SLC39A12: variants seen among roughly 807,000 people sequenced by gnomAD.
SLC39A12 encodes the protein zinc transporter ZIP12.
SLC39A12 carries 63 observed loss-of-function variants against 71.1 expected under a neutral mutation model. The ratio of observed to expected loss-of-function variants is 0.89; its 90% CI spans 0.72 to 1.09. SLC39A12 has a LOEUF of 1.09. SLC39A12 is among the 50% of genes least tolerant of loss of function. The pLI is 0.00. For missense variants in SLC39A12, 892 were observed against 812.6 expected (o/e 1.10, Z -1.19); for synonymous variants, 351 against 301.3 (o/e 1.16, Z -1.71).
rs1478185966 is a variant in SLC39A12 at position 17,987,582 on chromosome 10, C to T, written c.1200C>T (p.Ile400=). 2.5e-6 allele frequency: 4 copies of T among 1,614,166 alleles called. No homozygotes were observed. The highest frequency in any genetic ancestry group is 1.3e-5 in the African/African-American group (1 of 75,030). ...FHSCEENYRL[I]LQLFVGLAVG... is the part of the protein sequence containing the mutation. ...GCTGTGAGGAGAACTACAGGCTTAT[C>T]TTACAGCTGTTTGTGGGCTTGGCCG... The change falls in exon 7 of 13, where the codon ATC becomes ATT. Residue 400 remains isoleucine, a synonymous_variant. Coordinates refer to ENST00000377369, the MANE Select transcript of SLC39A12 (RefSeq NM_001145195.2).
At chr10:17,964,696 A>G (rs1052866060) in intron 3 of SLC39A12, among the ~76,000 whole-genome samples, 1 of 152,256 alleles carries the variant, frequency 6.6e-6, no homozygotes, top group African/African-American at 2.4e-5. Flanking sequence ...ACATGCAATG[A>G]GTACACACTG....
chr10:18,000,974 G>C, intron 11 of SLC39A12, 149 bp downstream of exon 11: 1 of 821,492 alleles, frequency 1.2e-6, no homozygotes, highest in Admixed American at 3.0e-5. Flanking sequence ...AAGAAGAGGA[G>C]GACTAGAAAA....
At chr10:17,953,089 C>T (rs1401307522) in intron 1 of SLC39A12, 102 bp from the exon 2 acceptor site, 3 of 702,378 alleles carry the variant, frequency 4.3e-6, no homozygotes, top group East Asian at 5.4e-5. Flanking sequence ...TGTGTAGAAA[C>T]AGCTTGTCAT....
At chr10:18,012,688 GA>G (rs1836260697) in intron 12 of SLC39A12, among the ~76,000 whole-genome samples, 1 of 152,102 alleles carries the variant, frequency 6.6e-6, no homozygotes, top group African/African-American at 2.4e-5. Context: ...CCAACACGGT[GA>G]AACCCCTTCT....
At chr10:18,014,006 G>T (rs929121648) in intron 12 of SLC39A12, among the ~76,000 whole-genome samples, 1 of 152,158 alleles carries the variant, frequency 6.6e-6, no homozygotes, top group South Asian at 2.1e-4. Flanking sequence ...TAAAAAAAGT[G>T]ATTGGGATTT....
At chr10:17,983,368 G>C (rs886296838) in intron 6 of SLC39A12, among the ~76,000 whole-genome samples, 3 of 151,874 alleles carry the variant, frequency 2.0e-5, no homozygotes, top group African/African-American at 7.3e-5. Context: ...CGTACCTGTG[G>C]TCTCAGATAC....
At position 17,978,016 on chromosome 10, in the gene SLC39A12, C is replaced by T. The variant is rs1390719262; in HGVS notation, c.866C>T (p.Ser289Phe). Residue 289 changes from serine (S) to phenylalanine (F), a missense_variant, in exon 5 of 13, where the codon TCT (serine) becomes TTT (phenylalanine). Physicochemically the swap from Ser to Phe is radical, Grantham distance 155. Coordinates refer to ENST00000377369, the MANE Select transcript of SLC39A12 (RefSeq NM_001145195.2). Reference protein sequence around the residue: ...NNIITHDQDYSNFSSSMEKES... With the variant: ...NNIITHDQDYFNFSSSMEKES... ...ATAATAACCCATGATCAGGACTATT[C>T]TAATTTCTCTTCATCCATGGAAAAA... The T allele has an allele frequency of 6.2e-7, 1 of 1,605,770 alleles. No individual in the cohort carries two copies. Among genetic ancestry groups the T allele is most frequent in the African/African-American group, 1.3e-5 (1 of 74,416 alleles).
At chr10:17,953,107 C>T (rs1194578110) in intron 1 of SLC39A12, 84 bp from the exon 2 acceptor site, 1 of 826,528 alleles carries the variant, frequency 1.2e-6, no homozygotes, top group East Asian at 2.6e-5. Flanking sequence ...CATTGCAAAT[C>T]AGCTTAGCCA....
At chr10:18,003,881 T>C (rs1474639659) in intron 12 of SLC39A12, among the ~76,000 whole-genome samples, 1 of 152,232 alleles carries the variant, frequency 6.6e-6, no homozygotes, top group African/African-American at 2.4e-5. Context: ...TAACCAAATG[T>C]GTTTTTTAAA....
At chr10:18,005,896 A>G (rs1205534859) in intron 12 of SLC39A12, 1 of 152,110 alleles carries the variant, frequency 6.6e-6, no homozygotes, top group Non-Finnish European at 1.5e-5. Context: ...ACTTCCTATC[A>G]TCCAGGTCGC....
In SLC39A12 at chr10:17,991,269, A is replaced by T. The variant is rs1183715860; in HGVS notation, c.1388A>T (p.Lys463Ile). ...GGIHGFFLIE[K>I]CFILLVSPND... is the part of the protein sequence containing the mutation. ...ATCCATGGATTTTTCTTGATAGAAA[A>T]ATGTTTTATTCTTCTTGTATCACCA... Residue 463 changes from lysine to isoleucine, a missense_variant, in exon 8 of 13, where the codon AAA becomes ATA. Coordinates refer to ENST00000377369, the MANE Select transcript of SLC39A12 (RefSeq NM_001145195.2). 4 of 1,597,562 alleles carry T rather than the reference A, an allele frequency of 2.5e-6. No individual in the cohort carries two copies. The highest frequency in any genetic ancestry group is 1.4e-5 in the African/African-American group (1 of 74,042).
rs1289009606 is a variant in SLC39A12 at position 18,000,747 on chromosome 10, G to T, written c.1681G>T (p.Ala561Ser). Residue 561 changes from alanine (A) to serine (S), a missense_variant, in exon 11 of 13, where the codon GCA (alanine) becomes TCA (serine). Coordinates refer to ENST00000377369, the MANE Select transcript of SLC39A12 (RefSeq NM_001145195.2). The part of the protein sequence containing the change: ...HNFADGLAIG[A>S]AFSSSSESGV... ...TTTTGCAGATGGCCTAGCCATAGGA[G>T]CAGCCTTCTCATCATCATCCGAGTC... is the stretch of plus-strand genomic sequence containing the variant. The T allele has an allele frequency of 6.2e-7, 1 of 1,614,134 alleles. No homozygotes were observed. Among genetic ancestry groups the T allele is most frequent in the Admixed American group, 1.7e-5 (1 of 60,028 alleles).
At chr10:18,013,429 A>G (rs951050498) in intron 12 of SLC39A12, among the ~76,000 whole-genome samples, 1 of 151,250 alleles carries the variant, frequency 6.6e-6, no homozygotes, top group African/African-American at 2.4e-5. Context: ...GAACAGTGGC[A>G]TGATCATAGC....
intron 4 of SLC39A12, among the ~76,000 whole-genome samples, chr10:17,966,928 T>C (rs930544975): frequency 6.6e-6 from 1 of 151,858 alleles, no homozygotes; most frequent in East Asian, 1.9e-4. Context: ...ATGTCGAGAT[T>C]GCGCCACTGC....
At chr10:17,991,915 G>A (rs986784283) in intron 8 of SLC39A12, among the ~76,000 whole-genome samples, 1 of 151,660 alleles carries the variant, frequency 6.6e-6, no homozygotes, top group Non-Finnish European at 1.5e-5. Flanking sequence ...ATAGCGAAAC[G>A]CTGTCTGTAC....
rs1835417902 is a variant in SLC39A12 at position 17,987,105 on chromosome 10, G to A, written c.1097-374G>A. On this transcript the variant is annotated intron_variant, in intron 6 of 12. Transcript: ENST00000377369. ...GCCATTTGGGAGGCTGAGACGAGTG[G>A]ATTGCTTGAGTCCAGGAGTTCGAGA... Among the ~76,000 whole-genome samples, 3 of 152,172 alleles carry A rather than the reference G, an allele frequency of 2.0e-5. No individual in the cohort carries two copies. In the South Asian group the frequency reaches 6.2e-4, roughly 31 times the overall value.
intron 11 of SLC39A12, among the ~76,000 whole-genome samples, chr10:18,001,435 A>C (rs1394807685): frequency 6.6e-6 from 1 of 152,070 alleles, no homozygotes; most frequent in East Asian, 1.9e-4. Context: ...AATCGCTTGA[A>C]CCCAGGAGGT....
chr10:17,979,048 G>A (rs1053824406), intron 5 of SLC39A12, among the ~76,000 whole-genome samples: 7 of 152,116 alleles, frequency 4.6e-5, no homozygotes, highest in African/African-American at 9.7e-5. Context: ...AGAAACCACT[G>A]CTTTTGAATA....
At chr10:17,969,233 A>G (rs1165097630) in intron 4 of SLC39A12, among the ~76,000 whole-genome samples, 3 of 152,218 alleles carry the variant, frequency 2.0e-5, no homozygotes, top group Non-Finnish European at 4.4e-5. Context: ...GGTATCATGA[A>G]CAGTGCTGTG....
Sources: gnomAD v4.1 joint callset for allele counts (sites outside exome capture counted in the v4.1 genomes callset) on GRCh38, gnomAD v4.1.1 for gene constraint, MANE v1.5 for transcripts, NCBI Gene and HGNC (gene_info 2026-07-23, HGNC 2026-07-21) for gene names.